WDPCP: variants seen among roughly 807,000 people sequenced by gnomAD.
WDPCP encodes the protein WD repeat-containing and planar cell polarity effector protein fritz homolog.
A neutral mutation model predicts 93.1 loss-of-function variants in WDPCP; 71 were observed. That is an observed-to-expected ratio of 0.76 (90% CI 0.63 to 0.93). The LOEUF is 0.93. Ranked by LOEUF, WDPCP falls within the 40% of genes least tolerant of loss-of-function variation. The probability of loss-of-function intolerance (pLI) is 0.00; values close to 1 mark genes in which losing one functional copy is unlikely to be tolerated. For synonymous variants in WDPCP, 315 were observed against 315.0 expected (o/e 1.00, Z 0.00); for missense variants, 844 against 887.4 (o/e 0.95, Z 0.62).
At chr2:63,382,695 G>C (rs932323538) in intron 10 of WDPCP, among the ~76,000 whole-genome samples, 2 of 151,884 alleles carry the variant, frequency 1.3e-5, no homozygotes, top group African/African-American at 4.8e-5. Context: ...ATAGTTATAG[G>C]CTTCAGGATT....
chr2:63,597,468 T>C (rs772046564), intron 3 of WDPCP: 19 of 1,512,484 alleles, frequency 1.3e-5, no homozygotes, highest in Non-Finnish European at 1.6e-5. Flanking sequence ...GTGGGCTCCA[T>C]GCCAAGAAGG....
At chr2:63,217,479 T>C (rs1677452415) in intron 14 of WDPCP, among the ~76,000 whole-genome samples, 1 of 152,184 alleles carries the variant, frequency 6.6e-6, no homozygotes, top group Non-Finnish European at 1.5e-5. Flanking sequence ...TTGACCTTAG[T>C]ATTATTTAGG....
At chr2:63,839,081 T>C in the WDPCP span, among the ~76,000 whole-genome samples, 1 of 152,226 alleles carries the variant, frequency 6.6e-6, no homozygotes, top group Non-Finnish European at 1.5e-5. Context: ...TGGAGAGTTC[T>C]TGAGGCAGCA....
chr2:63,415,004 G>A (rs898936655), intron 9 of WDPCP, among the ~76,000 whole-genome samples: 2 of 152,140 alleles, frequency 1.3e-5, no homozygotes, highest in East Asian at 1.9e-4. Flanking sequence ...AACTGTCCAC[G>A]TAATGATAGA....
intron 1 of WDPCP, among the ~76,000 whole-genome samples, chr2:63,528,131 A>C (rs563099590): frequency 6.6e-6 from 1 of 151,948 alleles, no homozygotes; most frequent in Non-Finnish European, 1.5e-5. Context: ...TTGTCAGATG[A>C]GTAGATTGGA....
chr2:63,645,626 A>G (rs1710038655), intron 3 of WDPCP, among the ~76,000 whole-genome samples: 2 of 152,260 alleles, frequency 1.3e-5, no homozygotes, highest in East Asian at 1.9e-4. Context: ...CTATTATTAT[A>G]TTGGAGTCTA....
At chr2:63,438,696 T>C (rs1166357864) in intron 7 of WDPCP, among the ~76,000 whole-genome samples, 1 of 152,080 alleles carries the variant, frequency 6.6e-6, no homozygotes, top group Non-Finnish European at 1.5e-5. Flanking sequence ...TTGCTAATTA[T>C]GGCCATCCTG....
chr2:63,543,267 A>T (rs183943297), intron 1 of WDPCP, among the ~76,000 whole-genome samples: 30 of 152,262 alleles, frequency 2.0e-4, no homozygotes, highest in African/African-American at 6.3e-4. Flanking sequence ...ACGAATACAC[A>T]TATAGTTTGT....
intron 15 of WDPCP, among the ~76,000 whole-genome samples, chr2:63,172,900 G>C (rs1673504611): frequency 6.6e-6 from 1 of 152,168 alleles, no homozygotes; most frequent in East Asian, 1.9e-4. Flanking sequence ...TGTGAAGGAA[G>C]AAAGAAGCAT....
chr2:63,158,237 T>C (rs1253501372), intron 15 of WDPCP, among the ~76,000 whole-genome samples: 1 of 152,216 alleles, frequency 6.6e-6, no homozygotes, highest in East Asian at 1.9e-4. Context: ...TCTGTTTTGG[T>C]AAATGTTCAC....
intron 14 of WDPCP, among the ~76,000 whole-genome samples, chr2:63,223,236 G>A (rs1574916941): frequency 6.6e-6 from 1 of 152,204 alleles, no homozygotes; most frequent in East Asian, 1.9e-4. Context: ...GGTGAGTTTT[G>A]ACTAAATTGG....
At chr2:63,238,012 A>AC (rs931274943) in intron 14 of WDPCP, among the ~76,000 whole-genome samples, 14 of 151,920 alleles carry the variant, frequency 9.2e-5, no homozygotes, top group African/African-American at 3.1e-4. Context: ...TAAAAAAAAA[A>AC]ACAACAAAAT....
intron 2 of WDPCP, among the ~76,000 whole-genome samples, chr2:63,489,710 A>C (rs572956295): frequency 1.3e-5 from 2 of 152,114 alleles, no homozygotes; most frequent in African/African-American, 4.8e-5. Flanking sequence ...CAAAATACAT[A>C]ATGAAATAAA....
intron 3 of WDPCP, chr2:63,599,369 C>A: frequency 5.5e-6 from 8 of 1,457,480 alleles, no homozygotes; most frequent in Non-Finnish European, 7.4e-6. Flanking sequence ...ATAACTGAAT[C>A]TGAGTTTGTG....
intron 1 of WDPCP, among the ~76,000 whole-genome samples, chr2:63,500,153 T>C (rs149508206): frequency 5.3e-5 from 8 of 152,280 alleles, no homozygotes; most frequent in African/African-American, 1.9e-4. Context: ...CAGGTTAGTC[T>C]AGAAGAAGAG....
At chr2:63,723,349 T>C (rs1263120347) in intron 2 of WDPCP, among the ~76,000 whole-genome samples, 1 of 152,156 alleles carries the variant, frequency 6.6e-6, no homozygotes, top group African/African-American at 2.4e-5. Flanking sequence ...TAATTCCTGC[T>C]TACTCTTCAG....
chr2:63,344,674 A>T (rs1689071459), intron 12 of WDPCP, among the ~76,000 whole-genome samples: 1 of 152,198 alleles, frequency 6.6e-6, no homozygotes. Flanking sequence ...TTTCTCAGAC[A>T]TATAGGTATT....
rs367817789 is a variant in WDPCP at position 63,138,537 on chromosome 2, C to T, written c.2190+14377G>A. On this transcript the variant is annotated intron_variant, in intron 17 of 17. Transcript: ENST00000272321. ...TGCAATCTCGGCTCACTGCAGGCTC[C>T]GCTCCCCGGGGTTCATGCCATTCTC... Among the ~76,000 whole-genome samples, 26 of 151,562 alleles carry T rather than the reference C, an allele frequency of 1.7e-4. No homozygotes were observed. In the East Asian group the frequency reaches 3.3e-3, roughly 19 times the overall value.
intron 15 of WDPCP, among the ~76,000 whole-genome samples, chr2:63,155,477 T>C (rs1464785150): frequency 6.6e-6 from 1 of 152,208 alleles, no homozygotes; most frequent in Non-Finnish European, 1.5e-5. Flanking sequence ...ATATGTTCTG[T>C]TTCATTAATC....
Sources: gnomAD v4.1 joint callset for allele counts (sites outside exome capture counted in the v4.1 genomes callset) on GRCh38, gnomAD v4.1.1 for gene constraint, MANE v1.5 for transcripts, NCBI Gene and HGNC (gene_info 2026-07-23, HGNC 2026-07-21) for gene names.